DNAH12: variants seen among roughly 807,000 people sequenced by gnomAD.
The protein encoded by DNAH12 is axonemal beta dynein heavy chain 12.
A neutral mutation model predicts 371.5 loss-of-function variants in DNAH12; 285 were observed. The observed-to-expected ratio is 0.77, with a 90% CI of 0.70 to 0.85. The LOEUF (loss-of-function observed/expected upper bound fraction) is 0.85, where lower values mean the gene tolerates loss of function less well. Among genes scored for constraint, DNAH12 ranks in the 40% least tolerant of loss-of-function variants. DNAH12 has a pLI of 0.00. For missense variants in DNAH12, 3,611 were observed against 3,689.4 expected (o/e 0.98, Z 0.55); for synonymous variants, 1,200 against 1,213.0 (o/e 0.99, Z 0.22).
intron 58 of DNAH12, among the ~76,000 whole-genome samples, chr3:57,357,949 A>G (rs2062837922): frequency 6.6e-6 from 1 of 152,226 alleles, no homozygotes; most frequent in Non-Finnish European, 1.5e-5. Flanking sequence ...GGCTGTAGAT[A>G]TTCAACCCCC....
chr3:57,429,727 G>A lies in DNAH12; in HGVS notation c.5028C>T (p.Ser1676=), dbSNP rs2064897507. Residue 1676 remains serine, a synonymous_variant, in exon 33 of 74, where the codon AGC becomes AGT. Coordinates refer to ENST00000495027, the MANE Select transcript of DNAH12 (RefSeq NM_001366028.2). ...GEIIQMSPQM[S]LIFETMDLSQ... ...AAAGGTCCATTGTTTCAAAGATGAG[G>A]CTCATTTGGGGGGACATCTGAATGA... The A allele has an allele frequency of 2.0e-6, 3 of 1,535,210 alleles. 1 individual carries two copies. Among genetic ancestry groups the A allele is most frequent in the South Asian group, 1.3e-5 (1 of 79,062 alleles).
intron 44 of DNAH12, among the ~76,000 whole-genome samples, chr3:57,392,824 G>T (rs1290687484): frequency 6.6e-6 from 1 of 152,146 alleles, no homozygotes; most frequent in Non-Finnish European, 1.5e-5. Context: ...AGCTAAAGAA[G>T]CAGGAAAGCC....
intron 32 of DNAH12, among the ~76,000 whole-genome samples, chr3:57,432,203 C>T (rs867798505): frequency 9.4e-4 from 135 of 143,662 alleles, no homozygotes; most frequent in African/African-American, 3.2e-3. Context: ...GGAGTCTTGC[C>T]CTGTCGCCCA....
chr3:57,543,315 G>GTTTTTTTTTTTTTTTTTTTTTT (rs5849214), intron 1 of DNAH12, among the ~76,000 whole-genome samples: 2 of 70,286 alleles, frequency 2.8e-5, no homozygotes, highest in African/African-American at 6.3e-5. Flanking sequence ...ATCATTAATG[G>GTTTTTTTTTTTTTTTTTTTTTT]TTTTTTTTTT....
chr3:57,509,249 C>T, intron 5 of DNAH12, 37 bp from the exon 6 acceptor site: 1 of 1,568,552 alleles, frequency 6.4e-7, no homozygotes, highest in Non-Finnish European at 8.7e-7. Flanking sequence ...TCTTGAAAAT[C>T]TCTGCACAAT....
intron 2 of DNAH12, 125 bp from the exon 3 acceptor site, chr3:57,524,009 T>G (rs1182163726): frequency 1.8e-6 from 1 of 562,614 alleles, no homozygotes; most frequent in African/African-American, 1.9e-5. Flanking sequence ...CTGAATTTTT[T>G]ATGAGAAACA....
intron 34 of DNAH12, among the ~76,000 whole-genome samples, chr3:57,426,581 G>C (rs2064775146): frequency 6.6e-6 from 1 of 152,080 alleles, no homozygotes; most frequent in Non-Finnish European, 1.5e-5. Context: ...TGTAATCCCA[G>C]CACTTTGGGA....
Position 57,461,709 on chromosome 3 carries a change from A to G in DNAH12, c.2536-20T>C. 6.5e-7 allele frequency: 1 copy of G among 1,538,502 alleles called. No homozygotes were observed. The highest frequency in any genetic ancestry group is 8.8e-7 in the Non-Finnish European group (1 of 1,137,734). On this transcript the variant is annotated intron_variant, in intron 18 of 73. Coordinates refer to ENST00000495027, the MANE Select transcript of DNAH12 (RefSeq NM_001366028.2). Reference sequence around the variant, plus strand: ...AAATTCCTAAAACGGAGGAATGAAGAAAGAACGGGATGGTGAAGAAAGGAT... The same window carrying G: ...AAATTCCTAAAACGGAGGAATGAAGGAAGAACGGGATGGTGAAGAAAGGAT...
intron 65 of DNAH12, among the ~76,000 whole-genome samples, chr3:57,317,279 T>C (rs767842050): frequency 6.6e-6 from 1 of 152,196 alleles, no homozygotes; most frequent in Non-Finnish European, 1.5e-5. Flanking sequence ...AAATGTACAA[T>C]ACAGTATTGT....
intron 11 of DNAH12, among the ~76,000 whole-genome samples, chr3:57,495,776 T>C (rs561618814): frequency 8.3e-5 from 12 of 143,716 alleles, no homozygotes; most frequent in Admixed American, 7.0e-4. Flanking sequence ...ATTTTATATA[T>C]TTTTATATAT....
At chr3:57,375,739 TATC>T (rs2063269105) in intron 54 of DNAH12, 76 bp downstream of exon 54, 1 of 148,108 alleles carries the variant, frequency 6.8e-6, no homozygotes. Flanking sequence ...CTGCCATTAT[TATC>T]ATCCTTTCCC....
chr3:57,337,637 CAAG>C (rs1478723100), intron 60 of DNAH12, among the ~76,000 whole-genome samples: 1 of 151,880 alleles, frequency 6.6e-6, no homozygotes, highest in Non-Finnish European at 1.5e-5. Flanking sequence ...CCAGCCTGGG[CAAG>C]AAGAGTGAAA....
chr3:57,430,639 T>A (rs572575481), intron 32 of DNAH12, among the ~76,000 whole-genome samples: 5 of 152,342 alleles, frequency 3.3e-5, no homozygotes, highest in African/African-American at 1.2e-4. Context: ...CTTGCAGCTA[T>A]GGAATTATCA....
chr3:57,299,940 G>A (rs2061312307), intron 70 of DNAH12, among the ~76,000 whole-genome samples: 2 of 152,192 alleles, frequency 1.3e-5, no homozygotes, highest in Admixed American at 6.5e-5. Flanking sequence ...AATGAGGAAA[G>A]GGCCCCACGT....
At chr3:57,437,576 T>TG (rs766523461) in intron 29 of DNAH12, among the ~76,000 whole-genome samples, 1 of 152,136 alleles carries the variant, frequency 6.6e-6, no homozygotes, top group Non-Finnish European at 1.5e-5. Flanking sequence ...AGTCTGGACT[T>TG]GGTGGATATC....
chr3:57,482,060 A>C (rs866831485), intron 13 of DNAH12, among the ~76,000 whole-genome samples: 177 of 152,362 alleles, frequency 1.2e-3, no homozygotes, highest in African/African-American at 4.0e-3. Context: ...CAAAAGCCAA[A>C]ATTGACAAAT....
intron 22 of DNAH12, among the ~76,000 whole-genome samples, chr3:57,457,149 T>C (rs999243010): frequency 6.6e-6 from 1 of 152,200 alleles, no homozygotes; most frequent in African/African-American, 2.4e-5. Flanking sequence ...ACCATAGCCA[T>C]AGTGGTATAA....
At chr3:57,505,498 T>C (rs1039279495) in intron 8 of DNAH12, among the ~76,000 whole-genome samples, 3 of 152,080 alleles carry the variant, frequency 2.0e-5, no homozygotes, top group African/African-American at 4.8e-5. Context: ...TGGAGTGCAA[T>C]GGCACGATCT....
intron 17 of DNAH12, among the ~76,000 whole-genome samples, chr3:57,468,177 T>C (rs924860750): frequency 6.6e-6 from 1 of 152,186 alleles, no homozygotes; most frequent in African/African-American, 2.4e-5. Flanking sequence ...AGTACCTTCA[T>C]TTGGCCATAC....
Sources: allele counts gnomAD v4.1 joint callset (sites outside exome capture counted in the v4.1 genomes callset), GRCh38; gene constraint gnomAD v4.1.1; transcripts MANE v1.5; gene names NCBI Gene and HGNC (gene_info 2026-07-23, HGNC 2026-07-21).